Variants in ASTN2 observed in about 807,000 individuals in gnomAD.
ASTN2 encodes the protein astrotactin 2.
A neutral mutation model predicts 139.8 loss-of-function variants in ASTN2; 54 were observed. The ratio of observed to expected loss-of-function variants is 0.39; its 90% CI spans 0.31 to 0.48. ASTN2 has a LOEUF of 0.48. Among genes scored for constraint, ASTN2 ranks in the 20% least tolerant of loss-of-function variants. The pLI is 0.95. For synonymous variants in ASTN2, 756 were observed against 719.5 expected, an observed-to-expected ratio of 1.05 and a Z score of -0.81; for missense variants, 1,565 against 1,725.1, an observed-to-expected ratio of 0.91 and a Z score of 1.64.
At position 116,877,308 on chromosome 9, in the gene ASTN2, G is replaced by A. The variant is rs150580966; in HGVS notation, c.1890-13575C>T. Among the ~76,000 whole-genome samples the A allele has an allele frequency of 1.7e-3, 231 of 132,110 alleles. 1 individual carries two copies. In the Middle Eastern group the frequency reaches 0.034, roughly 19 times the overall value. The allele number at this position is 132,110 out of a possible 152,430, so 86.7% of individuals were successfully genotyped here. On this transcript the variant is annotated intron_variant, in intron 10 of 22. Transcript: ENST00000313400. ...CCTTGCTGAGAAATTTTCTATCTAA[G>A]TGTGGGTTTTTTTTTGGCTATGCTG... is the stretch of plus-strand genomic sequence containing the variant.
intron 3 of ASTN2, among the ~76,000 whole-genome samples, chr9:117,156,778 G>C (rs1830442004): frequency 6.6e-6 from 1 of 152,052 alleles, no homozygotes; most frequent in Non-Finnish European, 1.5e-5. Flanking sequence ...AATGCTTCAA[G>C]TCCATTATCC....
chr9:116,743,913 T>C (rs760511101), intron 13 of ASTN2, among the ~76,000 whole-genome samples: 6 of 152,220 alleles, frequency 3.9e-5, no homozygotes, highest in Non-Finnish European at 5.9e-5. Flanking sequence ...AAAATAATTT[T>C]TGAATGCTTG....
At chr9:116,820,930 A>C in intron 11 of ASTN2, 147 bp from the exon 12 acceptor site, 1 of 836,246 alleles carries the variant, frequency 1.2e-6, no homozygotes, top group South Asian at 2.4e-5. Flanking sequence ...CTTTGTGACA[A>C]GTTCCACAAG....
chr9:117,014,233 C>T (rs1214314833), intron 6 of ASTN2, among the ~76,000 whole-genome samples: 3 of 152,112 alleles, frequency 2.0e-5, no homozygotes, highest in Non-Finnish European at 4.4e-5. Context: ...CACTTTTACC[C>T]TTCTCCCAGG....
intron 7 of ASTN2, among the ~76,000 whole-genome samples, chr9:116,988,759 G>A (rs1836754925): frequency 6.6e-6 from 1 of 152,010 alleles, no homozygotes; most frequent in Non-Finnish European, 1.5e-5. Context: ...ACCCTACTTG[G>A]CCATCTACCA....
chr9:117,225,017 G>A (rs886827410), intron 2 of ASTN2, among the ~76,000 whole-genome samples: 33 of 152,192 alleles, frequency 2.2e-4, no homozygotes, highest in Non-Finnish European at 4.1e-4. Context: ...CTGACACTGA[G>A]TAGCCCTCAT....
intron 14 of ASTN2, among the ~76,000 whole-genome samples, chr9:116,732,512 A>G (rs990686589): frequency 1.3e-5 from 2 of 152,178 alleles, no homozygotes; most frequent in African/African-American, 4.8e-5. Flanking sequence ...AAAGAGCTCT[A>G]TTATCCTTCC....
intron 1 of ASTN2, among the ~76,000 whole-genome samples, chr9:117,316,943 G>C (rs1302148720): frequency 6.6e-6 from 1 of 152,086 alleles, no homozygotes; most frequent in Non-Finnish European, 1.5e-5. Context: ...GGTGTATCTG[G>C]GCCTCAGGTA....
chr9:116,979,426 T>C (rs964788147), intron 7 of ASTN2, among the ~76,000 whole-genome samples: 1 of 151,964 alleles, frequency 6.6e-6, no homozygotes, highest in Admixed American at 6.6e-5. Flanking sequence ...TAAGTAGTGC[T>C]ACCTAATGAA....
At chr9:117,409,992 C>T (rs960614985) in intron 1 of ASTN2, among the ~76,000 whole-genome samples, 12 of 152,124 alleles carry the variant, frequency 7.9e-5, no homozygotes, top group Non-Finnish European at 1.5e-4. Context: ...TTTGGGACCC[C>T]GCCAGCTCTA....
intron 1 of ASTN2, among the ~76,000 whole-genome samples, chr9:117,390,420 T>A (rs1464702072): frequency 1.3e-5 from 2 of 152,194 alleles, no homozygotes; most frequent in East Asian, 3.9e-4. Flanking sequence ...TTGACAAATA[T>A]CCAGTAACAG....
intron 3 of ASTN2, among the ~76,000 whole-genome samples, chr9:117,202,520 G>A (rs1831759456): frequency 6.6e-6 from 1 of 152,140 alleles, no homozygotes; most frequent in South Asian, 2.1e-4. Flanking sequence ...AGGAGCTGTT[G>A]CAGGGCAGGC....
At chr9:117,363,140 A>G (rs1170972868) in intron 1 of ASTN2, among the ~76,000 whole-genome samples, 1 of 151,766 alleles carries the variant, frequency 6.6e-6, no homozygotes, top group East Asian at 1.9e-4. Context: ...CTCTACTGTT[A>G]CCTCTTCTGA....
intron 1 of ASTN2, among the ~76,000 whole-genome samples, chr9:117,318,913 C>T (rs1375742614): frequency 6.6e-6 from 1 of 152,136 alleles, no homozygotes; most frequent in African/African-American, 2.4e-5. Context: ...CTGGTTCAGC[C>T]GCTCCTCTGA....
At chr9:117,374,586 A>G (rs1348716484) in intron 1 of ASTN2, among the ~76,000 whole-genome samples, 2 of 152,142 alleles carry the variant, frequency 1.3e-5, no homozygotes, top group Non-Finnish European at 2.9e-5. Flanking sequence ...TAAACAAAGA[A>G]TAATGATGGA....
intron 13 of ASTN2, among the ~76,000 whole-genome samples, chr9:116,771,309 C>T (rs115259359): frequency 0.089 from 3,748 of 42,222 alleles, 125 homozygotes; most frequent in East Asian, 0.38. Context: ...CACTTTACCC[C>T]TCCATGTTCC....
intron 20 of ASTN2, among the ~76,000 whole-genome samples, chr9:116,486,979 T>C (rs1424485784): frequency 1.3e-5 from 2 of 152,160 alleles, no homozygotes; most frequent in Non-Finnish European, 2.9e-5. Flanking sequence ...TATACTAATA[T>C]AATATTTAAA....
chr9:117,085,347 A>C (rs555440248), intron 5 of ASTN2, among the ~76,000 whole-genome samples: 73 of 152,330 alleles, frequency 4.8e-4, no homozygotes, highest in African/African-American at 1.6e-3. Flanking sequence ...TCCCAGCAAG[A>C]GCAAGCAGCT....
At chr9:116,914,694 C>A (rs181950321) in intron 10 of ASTN2, among the ~76,000 whole-genome samples, 1 of 151,812 alleles carries the variant, frequency 6.6e-6, no homozygotes, top group Non-Finnish European at 1.5e-5. Context: ...TTATGCCACC[C>A]AACCCTGGGT....
Sources: gnomAD v4.1 joint callset for allele counts (sites outside exome capture counted in the v4.1 genomes callset) on GRCh38, gnomAD v4.1.1 for gene constraint, MANE v1.5 for transcripts, NCBI Gene and HGNC (gene_info 2026-07-23, HGNC 2026-07-21) for gene names.